CACNA1B: variants seen among roughly 807,000 people sequenced by gnomAD.
CACNA1B encodes the protein voltage-dependent N-type calcium channel subunit alpha-1B.
Under a neutral mutation model 247.2 loss-of-function variants are expected in CACNA1B, and 70 were observed. The observed-to-expected ratio is 0.28, with a 90% CI of 0.23 to 0.35. The LOEUF is 0.35. Among genes scored for constraint, CACNA1B ranks in the 10% least tolerant of loss-of-function variants. CACNA1B has a pLI of 1.00. For missense variants in CACNA1B, 2,367 were observed against 3,197.4 expected (o/e 0.74, Z 6.26); for synonymous variants, 1,231 against 1,294.4 (o/e 0.95, Z 1.05).
Position 138,059,220 on chromosome 9 carries a change from G to C in CACNA1B, c.4584+31G>C. 7.4e-7 allele frequency: 1 copy of C among 1,354,530 alleles called. No individual in the cohort carries two copies. Among genetic ancestry groups the C allele is most frequent in the Non-Finnish European group, 1.1e-6 (1 of 947,662 alleles). The allele number at this position is 1,354,530 out of a possible 1,614,324, so 83.9% of individuals were successfully genotyped here. ...TGCTTTGGTCCCTGCTTTGCCTTTT[G>C]ACAACCTATATTCTGGTTCCCCATC... On this transcript the variant is annotated intron_variant, in intron 30 of 46. Coordinates refer to ENST00000371372, the MANE Select transcript of CACNA1B (RefSeq NM_000718.4). This position sits in a 1 kb window ranked among gnomAD's most constrained non-coding sequence, Gnocchi z 4.2.
In CACNA1B at chr9:137,890,308, C is replaced by T. The variant is rs1343494534; in HGVS notation, c.530+7425C>T. ...GGAGAGCTGAAGGAGCCCAGGGCTGCCCTTGGATACCGCAGACTTTCCCAG... is the reference window on the plus strand; with the variant it reads ...GGAGAGCTGAAGGAGCCCAGGGCTGTCCTTGGATACCGCAGACTTTCCCAG... On this transcript the variant is annotated intron_variant, in intron 3 of 46. Transcript: ENST00000371372. 15 of 149,054 alleles carry T rather than the reference C, an allele frequency of 1.0e-4. 5 individuals carry two copies. The highest frequency in any genetic ancestry group is 1.8e-4 in the Non-Finnish European group (12 of 66,322). 9.2% of individuals were successfully genotyped at this position (149,054 alleles called of 1,614,324 possible).
Position 138,121,525 on chromosome 9 carries a change from C to T in CACNA1B, c.6546C>T (p.Pro2182=), listed in dbSNP as rs201399526. 177 of 1,576,810 alleles carry T rather than the reference C, an allele frequency of 1.1e-4. No homozygotes were observed. Among genetic ancestry groups the T allele is most frequent in the Admixed American group, 2.5e-4 (14 of 56,966 alleles). ...TGTCAACATCTGGTGCTAGCACCCCCGGCCGCGGTGGGCGGAGGCAGCTCC... is the reference window on the plus strand; with the variant it reads ...TGTCAACATCTGGTGCTAGCACCCCTGGCCGCGGTGGGCGGAGGCAGCTCC... The part of the protein sequence containing the change: ...PLLSTSGAST[P]GRGGRRQLPQ... Residue 2182 remains proline, a synonymous_variant, in exon 47 of 47, where the codon CCC becomes CCT. Coordinates refer to ENST00000371372, the MANE Select transcript of CACNA1B (RefSeq NM_000718.4). This position sits in a 1 kb window ranked among gnomAD's most constrained non-coding sequence, Gnocchi z 6.8.
chr9:138,120,906 A>G, intron 46 of CACNA1B, 25 bp downstream of exon 46: 1 of 1,541,732 alleles, frequency 6.5e-7, no homozygotes, highest in South Asian at 1.2e-5. Context: ...TGGAGAGGTC[A>G]GGGCCCAGCT....
rs1035718413 is a variant in CACNA1B at position 138,023,456 on chromosome 9, G to A, written c.2713G>A (p.Glu905Lys). 5.2e-5 allele frequency: 63 copies of A among 1,210,908 alleles called. No homozygotes were observed. In the African/African-American group the frequency reaches 9.2e-4, roughly 18 times the overall value. 75.0% of individuals were successfully genotyped at this position (1,210,908 alleles called of 1,614,324 possible). The change falls in exon 19 of 47, where the codon GAG (glutamate) becomes AAG (lysine). Residue 905 changes from glutamate to lysine, a missense_variant. Physicochemically the swap from Glu to Lys is moderately conservative, Grantham distance 56 (BLOSUM62 1). Around this residue, in one of 12 missense-constraint regions of CACNA1B, gnomAD observed 631 missense variants for 631.1 expected, o/e 1.00. Transcript: ENST00000371372. ...EAAGPPEARS[E>K]RGRGPGPEGG... is the part of the protein sequence containing the mutation. Reference sequence around the variant, plus strand: ...CGCGGGGCCCCCGGAGGCGCGGAGCGAGCGCGGCCGAGGCCCAGGCCCCGA... The same window carrying A: ...CGCGGGGCCCCCGGAGGCGCGGAGCAAGCGCGGCCGAGGCCCAGGCCCCGA...
Position 138,058,248 on chromosome 9 carries a change from G to C in CACNA1B, c.4306G>C (p.Glu1436Gln). Residue 1436 changes from glutamate to glutamine, a missense_variant and splice_region_variant, in exon 28 of 47, where the codon GAG becomes CAG. Coordinates refer to ENST00000371372, the MANE Select transcript of CACNA1B (RefSeq NM_000718.4). This position sits in a 1 kb window ranked among gnomAD's most constrained non-coding sequence, Gnocchi z 4.7. ...GTCTGAATGCAGCCTGGAGAAGAAC[G>C]AGGTAGGTGGACGCTCTGTGGAGTC... ...VMSECSLEKN[E>Q]RACIDFAISA... 6.2e-7 allele frequency: 1 copy of C among 1,611,792 alleles called. No individual in the cohort carries two copies. Among genetic ancestry groups the C allele is most frequent in the Non-Finnish European group, 8.5e-7 (1 of 1,177,950 alleles).
Position 138,122,847 on chromosome 9 carries a change from C to G in CACNA1B, c.*848C>G, listed in dbSNP as rs1286113801. 2.0e-5 allele frequency: 3 copies of G among 152,268 alleles called. No individual in the cohort carries two copies. Among genetic ancestry groups the G allele is most frequent in the Admixed American group, 6.5e-5 (1 of 15,290 alleles). The allele number at this position is 152,268 out of a possible 1,614,324, so 9.4% of individuals were successfully genotyped here. ...TGACCGCCAGGCCCTCACACCCAGG[C>G]TCCTGGGCACTGTGGTGTGAGGCGA... On this transcript the variant is annotated 3_prime_UTR_variant, in exon 47 of 47. Transcript: ENST00000371372.
At chr9:138,065,194 T>TC (rs1178085991) in intron 31 of CACNA1B, among the ~76,000 whole-genome samples, 6 of 152,170 alleles carry the variant, frequency 3.9e-5, no homozygotes, top group Non-Finnish European at 7.3e-5. Context: ...CTGCCTGTCT[T>TC]CCAGCCATCC....
At chr9:137,934,643 C>A (rs534837808) in intron 6 of CACNA1B, among the ~76,000 whole-genome samples, 7 of 152,214 alleles carry the variant, frequency 4.6e-5, no homozygotes, top group Non-Finnish European at 1.0e-4. Context: ...CAGTTCATAT[C>A]ACAGGACTCT....
At chr9:138,077,764 G>A (rs573617866) in intron 35 of CACNA1B, among the ~76,000 whole-genome samples, 2 of 152,342 alleles carry the variant, frequency 1.3e-5, no homozygotes, top group African/African-American at 4.8e-5. Flanking sequence ...TGGAGCAGCT[G>A]GAAGGAGAGT....
intron 37 of CACNA1B, among the ~76,000 whole-genome samples, chr9:138,099,949 A>G (rs1961198570): frequency 6.6e-6 from 1 of 152,236 alleles, no homozygotes; most frequent in African/African-American, 2.4e-5. Context: ...GGCATCTGCC[A>G]TGTGCTGGGG....
intron 6 of CACNA1B, among the ~76,000 whole-genome samples, chr9:137,948,616 TAA>T (rs372553001): frequency 6.7e-6 from 1 of 148,424 alleles, no homozygotes. Context: ...ATGCCCAGAA[TAA>T]AAAAAAAACA....
Position 137,954,878 on chromosome 9 carries a change from G to GTGTGTGTGTGTGTGTGTGTGTC in CACNA1B, c.1071-818_1071-817insTGTGTGTGTGTGTGTGTGTCTG, listed in dbSNP as rs1957926938. ...AGCTTGTGTGTGTGTGTGTGTGTGT[G>GTGTGTGTGTGTGTGTGTGTGTC]TGAGAGAGAGAGAGAGAGAGAGAGG... On this transcript the variant is annotated intron_variant, in intron 7 of 46. Coordinates refer to ENST00000371372, the MANE Select transcript of CACNA1B (RefSeq NM_000718.4). The surrounding 1 kb of genome is among the most constrained non-coding windows in gnomAD (Gnocchi z 4.1). Among the ~76,000 whole-genome samples, 1 of 151,180 alleles carries GTGTGTGTGTGTGTGTGTGTGTC rather than the reference G, an allele frequency of 6.6e-6. No homozygotes were observed. The highest frequency in any genetic ancestry group is 2.4e-5 in the African/African-American group (1 of 40,906).
chr9:137,993,300 TTATC>T lies in CACNA1B; in HGVS notation c.1974+6453_1974+6456del, dbSNP rs201025608. On this transcript the variant is annotated intron_variant, in intron 15 of 46. Transcript: ENST00000371372. The stretch of plus-strand genomic sequence containing the variant: ...AATTTTTTTAGTTAAAATTTTTATT[TTATC>T]TATCTAGATAGATAAAATTTAAATT... Among the ~76,000 whole-genome samples the T allele has an allele frequency of 3.9e-4, 57 of 147,970 alleles. No individual in the cohort carries two copies. In the East Asian group the frequency reaches 0.01, roughly 26 times the overall value.
Position 138,118,736 on chromosome 9 carries a change from G to T in CACNA1B, c.5998G>T (p.Ala2000Ser). 6.5e-7 allele frequency: 1 copy of T among 1,542,836 alleles called. No homozygotes were observed. Among genetic ancestry groups the T allele is most frequent in the Admixed American group, 2.0e-5 (1 of 51,268 alleles). The change falls in exon 44 of 47, where the codon GCC (alanine) becomes TCC (serine). Residue 2000 changes from alanine (A) to serine (S), a missense_variant. By Grantham distance (99) the Ala-to-Ser change is moderately conservative. Around this residue, in one of 12 missense-constraint regions of CACNA1B, gnomAD observed 773 missense variants for 779.4 expected, o/e 0.99. Coordinates refer to ENST00000371372, the MANE Select transcript of CACNA1B (RefSeq NM_000718.4). ...TGGGCTGGAGAGCCAGGGTCGAGCG[G>T]CCTCCATGCCCCGCCTTGCGGCCGA... The part of the protein sequence containing the change: ...QPGLESQGRA[A>S]SMPRLAAETQ...
chr9:138,044,086 A>C (rs543057003), intron 21 of CACNA1B, among the ~76,000 whole-genome samples, 186 bp downstream of exon 21: 8 of 152,364 alleles, frequency 5.3e-5, no homozygotes, highest in Admixed American at 3.9e-4. Context: ...ACACGGGCAC[A>C]GGAGGCAGCC....
chr9:138,055,129 CTTTT>C (rs1306363608), intron 26 of CACNA1B, among the ~76,000 whole-genome samples: 7 of 140,698 alleles, frequency 5.0e-5, no homozygotes, highest in Non-Finnish European at 9.4e-5. Flanking sequence ...TTTTCTTTTT[CTTTT>C]TTTTTTTTTT....
intron 3 of CACNA1B, among the ~76,000 whole-genome samples, chr9:137,911,582 G>A (rs1471186597): frequency 1.3e-5 from 2 of 152,110 alleles, no homozygotes; most frequent in Admixed American, 6.6e-5. Context: ...CGCCCAGCTA[G>A]TTTTTGTATT....
chr9:138,031,578 A>T (rs770229468), intron 20 of CACNA1B, among the ~76,000 whole-genome samples: 7 of 152,186 alleles, frequency 4.6e-5, no homozygotes, highest in Non-Finnish European at 8.8e-5. Context: ...CTGTCTAGAT[A>T]TGTCAATTGT....
In CACNA1B at chr9:138,012,419, T is replaced by C. The variant is rs1217527378; in HGVS notation, c.2161-710T>C. ...GACAAAAGGAGGGACAGATTTGCAT[T>C]TCAGTGGGCAAGTTTGAGGTGCCAT... is the stretch of plus-strand genomic sequence containing the variant. On this transcript the variant is annotated intron_variant, in intron 17 of 46. Coordinates refer to ENST00000371372, the MANE Select transcript of CACNA1B (RefSeq NM_000718.4). The surrounding 1 kb of genome is among the most constrained non-coding windows in gnomAD (Gnocchi z 4.2). Among the ~76,000 whole-genome samples the C allele has an allele frequency of 6.6e-6, 1 of 151,968 alleles. No individual in the cohort carries two copies. Among genetic ancestry groups the C allele is most frequent in the Non-Finnish European group, 1.5e-5 (1 of 67,978 alleles).
Sources: gnomAD v4.1 joint callset for allele counts (sites outside exome capture counted in the v4.1 genomes callset) on GRCh38, gnomAD v4.1.1 for gene constraint, gnomAD v4.1.1 regional missense constraint, Gnocchi (gnomAD v3.1) non-coding constraint, MANE v1.5 for transcripts, NCBI Gene and HGNC (gene_info 2026-07-23, HGNC 2026-07-21) for gene names.